The following ARHGEF10 variants were observed in gnomAD, a reference collection of about 807,000 sequenced individuals.
ARHGEF10 encodes the protein Rho guanine nucleotide exchange factor (GEF) 10.
In ARHGEF10, 140 loss-of-function variants were observed where a neutral mutation model predicts 147.4. The observed-to-expected ratio is 0.95, with a 90% confidence interval of 0.83 to 1.09. ARHGEF10 has a LOEUF of 1.09. ARHGEF10 is among the 50% of genes least tolerant of loss of function. The pLI, the probability that ARHGEF10 is intolerant of heterozygous loss-of-function variation, is 0.00. For missense variants in ARHGEF10, 2,222 were observed against 1,752.7 expected, an observed-to-expected ratio of 1.27 and a Z score of -4.78; for synonymous variants, 902 against 695.8, an observed-to-expected ratio of 1.30 and a Z score of -4.67.
intron 18 of ARHGEF10, among the ~76,000 whole-genome samples, chr8:1,912,938 A>G (rs1368591755): frequency 6.6e-6 from 1 of 151,756 alleles, no homozygotes; most frequent in Non-Finnish European, 1.5e-5. Flanking sequence ...TTGTTGGTGC[A>G]CTCCACCCGG....
At chr8:1,904,859 G>A (rs556913181) in intron 16 of ARHGEF10, among the ~76,000 whole-genome samples, 2 of 152,152 alleles carry the variant, frequency 1.3e-5, no homozygotes, top group Non-Finnish European at 2.9e-5. Context: ...AGTGGCTCAC[G>A]CCTGTAATCC....
chr8:1,876,982 C>T (rs762753034), intron 8 of ARHGEF10, among the ~76,000 whole-genome samples: 1 of 152,198 alleles, frequency 6.6e-6, no homozygotes, highest in African/African-American at 2.4e-5. Context: ...ATGAGCTCAC[C>T]ACCTTGAATA....
intron 16 of ARHGEF10, among the ~76,000 whole-genome samples, chr8:1,904,908 G>A (rs1810760059): frequency 6.6e-6 from 1 of 152,190 alleles, no homozygotes; most frequent in South Asian, 2.1e-4. Flanking sequence ...ATCACGTGAG[G>A]TCAGGAGTTC....
chr8:1,864,432 A>T lies in ARHGEF10; in HGVS notation c.541A>T (p.Thr181Ser). ...PNSLSSEEPP[T>S]SEDQVGREDS... Reference sequence around the variant, plus strand: ...TTCTCTGAGTTCCGAGGAGCCTCCAACCAGGTATCTGCATCCGTCTTCCCA... The same window carrying T: ...TTCTCTGAGTTCCGAGGAGCCTCCATCCAGGTATCTGCATCCGTCTTCCCA... Residue 181 changes from threonine (T) to serine (S), a missense_variant, in exon 5 of 29, where the codon ACC becomes TCC. By Grantham distance (58) the Thr-to-Ser change is moderately conservative. Transcript: ENST00000349830. 1 of 1,613,868 alleles carries T rather than the reference A, an allele frequency of 6.2e-7. No individual in the cohort carries two copies. Among genetic ancestry groups the T allele is most frequent in the East Asian group, 2.2e-5 (1 of 44,862 alleles).
intron 7 of ARHGEF10, chr8:1,870,684 C>T (rs1807036249): frequency 6.6e-6 from 1 of 152,208 alleles, no homozygotes; most frequent in Non-Finnish European, 1.5e-5. Context: ...GTTCTAAACT[C>T]ATATGCACCT....
In ARHGEF10 at chr8:1,923,590, G is replaced by A; in HGVS notation, c.2382G>A (p.Gln794=). ...TTCAGTTACAGCTTCCCGGGAAGCA[G>A]GACAAGTTAGTAGTAGCTTTAAAAC... ...CRIQLQLPGK[Q]DKSGRPTFFT... Residue 794 remains glutamine (Q), a synonymous_variant, in exon 20 of 29, where the codon CAG becomes CAA. Coordinates refer to ENST00000349830, the MANE Select transcript of ARHGEF10 (RefSeq NM_014629.4). 3.7e-6 allele frequency: 6 copies of A among 1,614,132 alleles called. No homozygotes were observed. The highest frequency in any genetic ancestry group is 5.1e-6 in the Non-Finnish European group (6 of 1,180,052).
intron 3 of ARHGEF10, 90 bp from the exon 4 acceptor site, chr8:1,859,807 T>G: frequency 6.7e-7 from 1 of 1,488,892 alleles, no homozygotes; most frequent in South Asian, 1.1e-5. Context: ...TGGTGGGAGC[T>G]CATACCTGCT....
chr8:1,843,214 G>C, intron 1 of ARHGEF10, 139 bp from the exon 2 acceptor site: 2 of 666,140 alleles, frequency 3.0e-6, no homozygotes, highest in African/African-American at 1.8e-5. Flanking sequence ...ATGACTAATA[G>C]GTGGTGAGTC....
At chr8:1,945,882 C>CGTGCTGGGAGGAGCCAT in intron 27 of ARHGEF10, 1 of 752,056 alleles carries the variant, frequency 1.3e-6, no homozygotes, top group South Asian at 1.7e-5. Flanking sequence ...GAAGGAGCCG[C>CGTGCTGGGAGGAGCCAT]GTGCTGGGAG....
At chr8:1,833,007 G>C (rs868435944) in intron 1 of ARHGEF10, among the ~76,000 whole-genome samples, 3 of 10,070 alleles carry the variant, frequency 3.0e-4, no homozygotes, top group Non-Finnish European at 4.9e-4. Context: ...GAGACAGGCA[G>C]AGAGAGACAG....
intron 1 of ARHGEF10, among the ~76,000 whole-genome samples, chr8:1,840,594 T>C (rs542361435): frequency 6.6e-6 from 1 of 150,918 alleles, no homozygotes; most frequent in East Asian, 2.0e-4. Context: ...AGCTGTCCGA[T>C]ATGGGGACTG....
intron 2 of ARHGEF10, among the ~76,000 whole-genome samples, chr8:1,856,365 C>G (rs773314991): frequency 6.6e-6 from 1 of 152,212 alleles, no homozygotes; most frequent in Non-Finnish European, 1.5e-5. Context: ...TCCCCACCGT[C>G]CTTGCAGTGG....
intron 26 of ARHGEF10, among the ~76,000 whole-genome samples, chr8:1,941,048 C>G (rs1293528643): frequency 1.3e-5 from 2 of 152,180 alleles, no homozygotes; most frequent in Non-Finnish European, 2.9e-5. Context: ...AAGTTTTCCC[C>G]TGAAGATCAA....
chr8:1,902,955 C>G (rs1810588448), intron 15 of ARHGEF10, among the ~76,000 whole-genome samples: 1 of 152,200 alleles, frequency 6.6e-6, no homozygotes, highest in African/African-American at 2.4e-5. Context: ...CTGTCTGACT[C>G]AACTTGAGAA....
intron 5 of ARHGEF10, 107 bp downstream of exon 5, chr8:1,864,543 C>A (rs76119256): frequency 6.6e-6 from 8 of 1,208,946 alleles, no homozygotes; most frequent in Non-Finnish European, 9.8e-6. Context: ...CAGCTCTGCG[C>A]GGCGGGAGCT....
intron 27 of ARHGEF10, among the ~76,000 whole-genome samples, chr8:1,950,528 T>A (rs892139026): frequency 6.7e-6 from 1 of 150,076 alleles, no homozygotes; most frequent in Non-Finnish European, 1.5e-5. Flanking sequence ...TATTATTTAT[T>A]TATTTATTTA....
intron 18 of ARHGEF10, among the ~76,000 whole-genome samples, chr8:1,919,862 TG>T (rs1812105448): frequency 1.4e-5 from 2 of 146,498 alleles, no homozygotes; most frequent in Admixed American, 6.8e-5. Context: ...CTGTGGATGA[TG>T]GAGCTGCTCT....
intron 10 of ARHGEF10, among the ~76,000 whole-genome samples, chr8:1,884,480 G>A (rs372340033): frequency 5.3e-5 from 8 of 151,918 alleles, no homozygotes; most frequent in African/African-American, 7.2e-5. Flanking sequence ...ACAGAATTTC[G>A]TTCTTCGTCC....
chr8:1,929,723 G>A (rs1229611346), intron 25 of ARHGEF10, among the ~76,000 whole-genome samples: 1 of 152,168 alleles, frequency 6.6e-6, no homozygotes, highest in Non-Finnish European at 1.5e-5. Context: ...TGGGGGCACC[G>A]GGCCATGCAG....
Sources: gnomAD v4.1 joint callset for allele counts (sites outside exome capture counted in the v4.1 genomes callset) on GRCh38, gnomAD v4.1.1 for gene constraint, MANE v1.5 for transcripts, NCBI Gene and HGNC (gene_info 2026-07-23, HGNC 2026-07-21) for gene names.